SETBP1: variants seen among roughly 807,000 people sequenced by gnomAD.
SETBP1 encodes the protein SET binding protein 1.
In SETBP1, 9 loss-of-function variants were observed where a neutral mutation model predicts 101.0. The observed-to-expected ratio is 0.09, with a 90% CI of 0.05 to 0.16. The LOEUF (loss-of-function observed/expected upper bound fraction) is 0.16. Among genes scored for constraint, SETBP1 ranks in the 10% least tolerant of loss-of-function variants. The pLI is 1.00. For synonymous variants in SETBP1, 818 were observed against 788.5 expected, an observed-to-expected ratio of 1.04 and a Z score of -0.63; for missense variants, 1,858 against 2,033.8, an observed-to-expected ratio of 0.91 and a Z score of 1.66.
chr18:44,822,043 T>G (rs1315586079), intron 2 of SETBP1, among the ~76,000 whole-genome samples: 1 of 152,248 alleles, frequency 6.6e-6, no homozygotes, highest in Non-Finnish European at 1.5e-5. Context: ...GTCTCTCCCT[T>G]TATTTCTTTG....
intron 2 of SETBP1, among the ~76,000 whole-genome samples, chr18:44,839,510 C>T (rs1599202408): frequency 6.6e-6 from 1 of 152,198 alleles, no homozygotes; most frequent in Non-Finnish European, 1.5e-5. Context: ...GATGGAGAAC[C>T]ATGGGACGTG....
intron 3 of SETBP1, among the ~76,000 whole-genome samples, chr18:44,941,502 T>C (rs2071087494): frequency 6.6e-6 from 1 of 152,158 alleles, no homozygotes; most frequent in Admixed American, 6.5e-5. Flanking sequence ...TGGGTGTTTT[T>C]ATTCTGCTTG....
At chr18:44,709,868 T>C (rs2069301897) in intron 2 of SETBP1, among the ~76,000 whole-genome samples, 1 of 151,690 alleles carries the variant, frequency 6.6e-6, no homozygotes, top group African/African-American at 2.4e-5. Context: ...CGGATTTATT[T>C]AGAGATAGTT....
At chr18:45,005,740 G>A (rs1344570485) in intron 4 of SETBP1, among the ~76,000 whole-genome samples, 3 of 147,484 alleles carry the variant, frequency 2.0e-5, no homozygotes, top group South Asian at 2.2e-4. Flanking sequence ...CCCACCTTCC[G>A]GGTTCACGCC....
At chr18:44,764,593 C>G (rs1482320494) in intron 2 of SETBP1, among the ~76,000 whole-genome samples, 16 of 152,256 alleles carry the variant, frequency 1.1e-4, no homozygotes, top group Middle Eastern at 3.4e-3. Context: ...CTGCCTCAGC[C>G]TCCTGATTAG....
chr18:44,755,481 T>C (rs2070471570), intron 2 of SETBP1, among the ~76,000 whole-genome samples: 1 of 144,118 alleles, frequency 6.9e-6, no homozygotes, highest in African/African-American at 2.5e-5. Flanking sequence ...GTGGGACACC[T>C]TTTTTTTTTT....
At chr18:44,777,509 C>T (rs149180339) in intron 2 of SETBP1, among the ~76,000 whole-genome samples, 42 of 152,264 alleles carry the variant, frequency 2.8e-4, no homozygotes, top group African/African-American at 9.1e-4. Context: ...CACCATTCCG[C>T]GTATGTCCTG....
At chr18:44,684,253 G>C (rs534209113) in intron 1 of SETBP1, among the ~76,000 whole-genome samples, 2 of 152,292 alleles carry the variant, frequency 1.3e-5, no homozygotes, top group East Asian at 3.9e-4. Context: ...GGCAACCCAG[G>C]TGTTTTACAA....
chr18:44,763,250 GGTCATA>G (rs1274626159), intron 2 of SETBP1, among the ~76,000 whole-genome samples: 2 of 152,184 alleles, frequency 1.3e-5, no homozygotes, highest in Non-Finnish European at 2.9e-5. Context: ...TGAAATAGTA[GGTCATA>G]GAAGACGTTA....
intron 2 of SETBP1, among the ~76,000 whole-genome samples, chr18:44,819,380 G>A (rs2072054308): frequency 6.6e-6 from 1 of 152,132 alleles, no homozygotes; most frequent in African/African-American, 2.4e-5. Flanking sequence ...TCCTCCCTCT[G>A]TATATCACTG....
chr18:45,067,202 G>T lies in SETBP1; in HGVS notation c.*3504G>T, dbSNP rs1385270093. 6.6e-6 allele frequency: 1 copy of T among 152,158 alleles called. No homozygotes were observed. Among genetic ancestry groups the T allele is most frequent in the Non-Finnish European group, 1.5e-5 (1 of 68,026 alleles). The allele number at this position is 152,158 out of a possible 1,614,324, so 9.4% of individuals were successfully genotyped here. ...ATGGCAGTCAGAATTTGTGTTCTGCGCATTGCTGGGTCTATAAATATGATA... is the reference window on the plus strand; with the variant it reads ...ATGGCAGTCAGAATTTGTGTTCTGCTCATTGCTGGGTCTATAAATATGATA... On this transcript the variant is annotated 3_prime_UTR_variant, in exon 6 of 6. Transcript: ENST00000649279.
chr18:44,749,949 T>TGGGTGGGAGCA (rs1490158314), intron 2 of SETBP1, among the ~76,000 whole-genome samples: 1 of 151,928 alleles, frequency 6.6e-6, no homozygotes, highest in Admixed American at 6.6e-5. Context: ...GAAGGATGGC[T>TGGGTGGGAGCA]GGGTGGGAGC....
chr18:44,949,718 C>T (rs547698260), intron 3 of SETBP1, among the ~76,000 whole-genome samples, 163 bp from the exon 4 acceptor site: 1 of 152,312 alleles, frequency 6.6e-6, no homozygotes, highest in South Asian at 2.1e-4. Flanking sequence ...TTGAGAAAAC[C>T]TCTGTAAGAC....
At chr18:44,895,802 T>C (rs2069887752) in intron 3 of SETBP1, among the ~76,000 whole-genome samples, 1 of 152,164 alleles carries the variant, frequency 6.6e-6, no homozygotes, top group Admixed American at 6.5e-5. Context: ...CAGGAAAAAT[T>C]AAATATTTTG....
chr18:44,952,825 G>A lies in SETBP1; in HGVS notation c.3485G>A (p.Arg1162Gln), dbSNP rs751046263. 32 of 1,613,948 alleles carry A rather than the reference G, an allele frequency of 2.0e-5. No individual in the cohort carries two copies. Among genetic ancestry groups the A allele is most frequent in the African/African-American group, 2.7e-5 (2 of 74,882 alleles). Residue 1162 changes from arginine (R) to glutamine (Q), a missense_variant, in exon 4 of 6, where the codon CGG becomes CAG. This residue lies in a region of SETBP1 where 417 missense variants were observed against 389.1 expected (regional missense o/e 1.07). Coordinates refer to ENST00000649279, the MANE Select transcript of SETBP1 (RefSeq NM_015559.3). Reference protein sequence around the residue: ...HKHKHKHKEDRILGTHDNLSG... With the variant: ...HKHKHKHKEDQILGTHDNLSG... ...CACAAGCATAAGCACAAGGAAGACCGGATCCTAGGGACCCATGACAACCTG... is the reference window on the plus strand; with the variant it reads ...CACAAGCATAAGCACAAGGAAGACCAGATCCTAGGGACCCATGACAACCTG...
chr18:44,968,707 C>G (rs1011663933), intron 4 of SETBP1, among the ~76,000 whole-genome samples: 1 of 152,204 alleles, frequency 6.6e-6, no homozygotes, highest in African/African-American at 2.4e-5. Context: ...TTCATAAATT[C>G]TTTCTTCCCA....
At chr18:45,033,606 G>A (rs538677945) in intron 4 of SETBP1, among the ~76,000 whole-genome samples, 1 of 152,256 alleles carries the variant, frequency 6.6e-6, no homozygotes, top group East Asian at 1.9e-4. Flanking sequence ...ATGCCAGCCT[G>A]GGCTTTCTTA....
At chr18:44,870,728 T>G (rs959532215) in intron 3 of SETBP1, 1 of 152,144 alleles carries the variant, frequency 6.6e-6, no homozygotes, top group African/African-American at 2.4e-5. Context: ...ATCTGAAAAT[T>G]TATAACATTA....
intron 1 of SETBP1, among the ~76,000 whole-genome samples, chr18:44,685,126 G>A (rs1237745333): frequency 6.6e-6 from 1 of 152,116 alleles, no homozygotes; most frequent in Non-Finnish European, 1.5e-5. Flanking sequence ...AGCAGACCCA[G>A]GTAGAACAAG....
Sources: allele counts gnomAD v4.1 joint callset (sites outside exome capture counted in the v4.1 genomes callset), GRCh38; gene constraint gnomAD v4.1.1; regional missense constraint gnomAD v4.1.1; transcripts MANE v1.5; gene names NCBI Gene and HGNC (gene_info 2026-07-23, HGNC 2026-07-21).